UBASH3B: variants seen among roughly 807,000 people sequenced by gnomAD.
The protein encoded by UBASH3B is ubiquitin associated and SH3 domain containing B.
UBASH3B carries 37 observed loss-of-function variants against 83.4 expected under a neutral mutation model. The ratio of observed to expected loss-of-function variants is 0.44; its 90% CI spans 0.34 to 0.58. The LOEUF (loss-of-function observed/expected upper bound fraction) is 0.58, where lower values mean the gene tolerates loss of function less well. UBASH3B is among the 20% of genes least tolerant of loss of function. The pLI, the probability that UBASH3B is intolerant of heterozygous loss-of-function variation, is 0.01. For synonymous variants in UBASH3B, 304 were observed against 318.3 expected (o/e 0.96, Z 0.48); for missense variants, 657 against 827.2 (o/e 0.79, Z 2.52).
intron 1 of UBASH3B, among the ~76,000 whole-genome samples, chr11:122,771,748 AACACACACACAC>A (rs58950220): frequency 0.019 from 2,835 of 147,224 alleles, 105 homozygotes; most frequent in African/African-American, 0.066. Context: ...GCTGTGTTAA[AACACACACACAC>A]ACACACACAC....
chr11:122,660,956 A>G (rs1042214916), intron 1 of UBASH3B, among the ~76,000 whole-genome samples: 6 of 152,168 alleles, frequency 3.9e-5, no homozygotes, highest in Non-Finnish European at 8.8e-5. Context: ...TATCTTCACC[A>G]GCTTCTGTGC....
At chr11:122,809,715 C>T (rs1861405036) in intron 13 of UBASH3B, 34 bp from the exon 14 acceptor site, 3 of 1,612,872 alleles carry the variant, frequency 1.9e-6, no homozygotes, top group Non-Finnish European at 2.5e-6. Context: ...AACCTATCTC[C>T]TAATATCCCC....
intron 1 of UBASH3B, among the ~76,000 whole-genome samples, chr11:122,744,364 A>G (rs1175493860): frequency 6.6e-6 from 1 of 152,052 alleles, no homozygotes; most frequent in African/African-American, 2.4e-5. Context: ...CATGTGGGTG[A>G]GCGTGTGACT....
chr11:122,798,755 T>C (rs1158310336), intron 9 of UBASH3B, among the ~76,000 whole-genome samples, 187 bp from the exon 10 acceptor site: 1 of 150,538 alleles, frequency 6.6e-6, no homozygotes, highest in Non-Finnish European at 1.5e-5. Context: ...TGTCGCTTGC[T>C]CTCATAGGAA....
intron 1 of UBASH3B, among the ~76,000 whole-genome samples, chr11:122,725,073 A>AATCG (rs1860709978): frequency 7.4e-6 from 1 of 135,754 alleles, no homozygotes; most frequent in African/African-American, 2.8e-5. Flanking sequence ...CGATTCAATC[A>AATCG]ATTCTCCTGC....
In UBASH3B at chr11:122,662,972, C is replaced by CTTTTT. The variant is rs568564848; in HGVS notation, c.161+6780_161+6784dup. Among the ~76,000 whole-genome samples the CTTTTT allele has an allele frequency of 9.9e-4, 109 of 110,580 alleles. 4 individuals are homozygous for CTTTTT. The highest frequency in any genetic ancestry group is 3.7e-3 in the African/African-American group (101 of 27,258). The allele number at this position is 110,580 out of a possible 152,430, so 72.5% of individuals were successfully genotyped here. ...AAAATTCCCTCTTACGCGCTAATGT[C>CTTTTT]TTTTTTTTTTTTTTTTTTTTTTGAG... On this transcript the variant is annotated intron_variant, in intron 1 of 13. Transcript: ENST00000284273.
At chr11:122,695,771 C>T (rs1018764837) in intron 1 of UBASH3B, among the ~76,000 whole-genome samples, 2 of 152,100 alleles carry the variant, frequency 1.3e-5, no homozygotes, top group Non-Finnish European at 2.9e-5. Context: ...AACTGCCTTG[C>T]AGCATTTTTG....
intron 1 of UBASH3B, among the ~76,000 whole-genome samples, chr11:122,750,614 A>G (rs1203966756): frequency 6.6e-6 from 1 of 152,248 alleles, no homozygotes; most frequent in Non-Finnish European, 1.5e-5. Context: ...TTAAGAACCC[A>G]GATACTGCCT....
At chr11:122,790,888 T>C (rs1591815461) in intron 6 of UBASH3B, among the ~76,000 whole-genome samples, 1 of 151,400 alleles carries the variant, frequency 6.6e-6, no homozygotes, top group South Asian at 2.1e-4. Context: ...GAGGTGGAGG[T>C]TGCAGTGAGC....
At chr11:122,688,039 C>A (rs1465015330) in intron 1 of UBASH3B, among the ~76,000 whole-genome samples, 1 of 152,082 alleles carries the variant, frequency 6.6e-6, no homozygotes, top group South Asian at 2.1e-4. Flanking sequence ...ATGGCAGGTG[C>A]CCCAGCCTTG....
chr11:122,807,459 A>G (rs1452087009), intron 12 of UBASH3B, among the ~76,000 whole-genome samples: 1 of 152,172 alleles, frequency 6.6e-6, no homozygotes, highest in Non-Finnish European at 1.5e-5. Flanking sequence ...TAGTTATGTA[A>G]GATGTTACCA....
intron 1 of UBASH3B, among the ~76,000 whole-genome samples, chr11:122,751,378 T>A (rs1252666439): frequency 6.6e-6 from 1 of 152,194 alleles, no homozygotes; most frequent in Non-Finnish European, 1.5e-5. Flanking sequence ...TGTGTCACAC[T>A]CCTTCTCTGC....
At chr11:122,727,957 T>G (rs1860772708) in intron 1 of UBASH3B, among the ~76,000 whole-genome samples, 1 of 152,114 alleles carries the variant, frequency 6.6e-6, no homozygotes. Flanking sequence ...TCCACCTCAC[T>G]GGGGACCTTC....
chr11:122,809,067 T>C (rs1861392516), intron 13 of UBASH3B, among the ~76,000 whole-genome samples: 1 of 151,792 alleles, frequency 6.6e-6, no homozygotes. Context: ...GAGCTGACTT[T>C]TTCTTTTCTT....
chr11:122,782,511 C>G (rs1186245048), intron 4 of UBASH3B: 1 of 152,538 alleles, frequency 6.6e-6, no homozygotes, highest in Non-Finnish European at 1.5e-5. Flanking sequence ...GACAGCCACC[C>G]CCCCCAAAAA....
intron 1 of UBASH3B, among the ~76,000 whole-genome samples, chr11:122,703,795 C>G (rs149474246): frequency 6.6e-6 from 1 of 152,240 alleles, no homozygotes; most frequent in South Asian, 2.1e-4. Flanking sequence ...ACATGGCGCC[C>G]TGATACTGGT....
chr11:122,748,014 C>G (rs1192138213), intron 1 of UBASH3B, among the ~76,000 whole-genome samples: 1 of 152,198 alleles, frequency 6.6e-6, no homozygotes, highest in African/African-American at 2.4e-5. Context: ...TAAGTAGCAG[C>G]AGCTATGAAA....
chr11:122,721,158 T>C (rs1860626939), intron 1 of UBASH3B, among the ~76,000 whole-genome samples: 1 of 145,530 alleles, frequency 6.9e-6, no homozygotes, highest in Admixed American at 7.2e-5. Flanking sequence ...GTCAGGAGAA[T>C]CGCTTGAACC....
At chr11:122,675,820 C>T (rs1863660871) in intron 1 of UBASH3B, among the ~76,000 whole-genome samples, 1 of 152,172 alleles carries the variant, frequency 6.6e-6, no homozygotes, top group South Asian at 2.1e-4. Context: ...CTCCAGTTTG[C>T]AGCGGACCAT....
Sources: gnomAD v4.1 joint callset for allele counts (sites outside exome capture counted in the v4.1 genomes callset) on GRCh38, gnomAD v4.1.1 for gene constraint, MANE v1.5 for transcripts, NCBI Gene and HGNC (gene_info 2026-07-23, HGNC 2026-07-21) for gene names.